RUBCNL: variants seen among roughly 807,000 people sequenced by gnomAD.
RUBCNL encodes the protein rubicon like autophagy enhancer.
In RUBCNL, 62 loss-of-function variants were observed where a neutral mutation model predicts 69.5. That is an observed-to-expected ratio of 0.89 (90% CI 0.73 to 1.10). The LOEUF (loss-of-function observed/expected upper bound fraction) is 1.10. RUBCNL is among the 50% of genes least tolerant of loss of function. The pLI is 0.00. For synonymous variants in RUBCNL, 291 were observed against 303.6 expected (o/e 0.96, Z 0.43); for missense variants, 768 against 798.1 (o/e 0.96, Z 0.45).
chr13:46,359,674 T>C (rs779894155), intron 8 of RUBCNL, 43 bp from the exon 9 acceptor site: 5 of 1,453,800 alleles, frequency 3.4e-6, no homozygotes, highest in Non-Finnish European at 9.2e-7. Context: ...TTAAGCATAT[T>C]TCAAAGAATT....
At position 46,378,024 on chromosome 13, in the gene RUBCNL, T is replaced by C; in HGVS notation, c.-238-19A>G. ...ATTTTATCTGTAAGGCAAAAAACAA[T>C]TTGCCAGATGCTATGATACCACTGC... On this transcript the variant is annotated intron_variant, in intron 1 of 14. Transcript: ENST00000429979. 1 of 1,375,586 alleles carries C rather than the reference T, an allele frequency of 7.3e-7. No individual in the cohort carries two copies. The highest frequency in any genetic ancestry group is 1.0e-6 in the Non-Finnish European group (1 of 1,004,956). The allele number at this position is 1,375,586 out of a possible 1,614,324, so 85.2% of individuals were successfully genotyped here. A position where few individuals can be genotyped will look rare whatever the true frequency, so the allele number is the denominator to read the frequency against.
intron 9 of RUBCNL, among the ~76,000 whole-genome samples, chr13:46,358,217 G>T (rs1007432957): frequency 6.6e-6 from 1 of 152,168 alleles, no homozygotes; most frequent in African/African-American, 2.4e-5. Context: ...ACAAAAGAAA[G>T]ATCTAGTCTA....
chr13:46,377,062 C>T (rs909544412), intron 2 of RUBCNL, among the ~76,000 whole-genome samples: 1 of 152,102 alleles, frequency 6.6e-6, no homozygotes. Flanking sequence ...TTACTAGTTC[C>T]ACTCTTAGTC....
chr13:46,372,451 G>C lies in RUBCNL; in HGVS notation c.25C>G (p.Gln9Glu). The change falls in exon 3 of 15, where the codon CAG becomes GAG. Residue 9 changes from glutamine to glutamate, a missense_variant. Gln to Glu is a conservative substitution (Grantham distance 29, BLOSUM62 2). Coordinates refer to ENST00000429979, the MANE Select transcript of RUBCNL (RefSeq NM_025113.5). ...TCCCAGGGCTCCACAGGAGAATCCT[G>C]CCTGACTGTAGATTGTGACACCATC... is the stretch of plus-strand genomic sequence containing the variant. MVSQSTVR[Q>E]DSPVEPWEGI... is the part of the protein sequence containing the mutation. 1 of 1,608,668 alleles carries C rather than the reference G, an allele frequency of 6.2e-7. No homozygotes were observed. Among genetic ancestry groups the C allele is most frequent in the Non-Finnish European group, 8.5e-7 (1 of 1,177,468 alleles).
chr13:46,371,414 T>A (rs1182978829), intron 3 of RUBCNL, among the ~76,000 whole-genome samples: 1 of 152,244 alleles, frequency 6.6e-6, no homozygotes, highest in African/African-American at 2.4e-5. Context: ...GTACATTACT[T>A]CATAGCAGTG....
At chr13:46,368,275 T>A in intron 4 of RUBCNL, 26 bp from the exon 5 acceptor site, 1 of 1,593,006 alleles carries the variant, frequency 6.3e-7, no homozygotes, top group Non-Finnish European at 8.6e-7. Context: ...TCAATTAAAA[T>A]ACAAGCATAA....
At chr13:46,347,559 C>T (rs993554052) in intron 12 of RUBCNL, among the ~76,000 whole-genome samples, 1 of 152,192 alleles carries the variant, frequency 6.6e-6, no homozygotes, top group African/African-American at 2.4e-5. Flanking sequence ...TTTTAAAAGG[C>T]CCCTGGTATA....
intron 3 of RUBCNL, among the ~76,000 whole-genome samples, chr13:46,371,114 G>T (rs2048866097): frequency 6.6e-6 from 1 of 152,156 alleles, no homozygotes; most frequent in African/African-American, 2.4e-5. Context: ...TAGGTAAGGG[G>T]GAAGATGAGC....
At chr13:46,369,285 C>A (rs191673656) in intron 3 of RUBCNL, among the ~76,000 whole-genome samples, 1 of 152,294 alleles carries the variant, frequency 6.6e-6, no homozygotes, top group Non-Finnish European at 1.5e-5. Context: ...CGTGATCACA[C>A]TTTAGTGCGG....
Position 46,350,375 on chromosome 13 carries a change from G to A in RUBCNL, c.1331-24C>T, listed in dbSNP as rs368013479. 48 of 1,493,412 alleles carry A rather than the reference G, an allele frequency of 3.2e-5. 1 individual carries two copies. The African/African-American group carries it at 5.9e-4, about 19-fold the overall frequency. 92.5% of individuals were successfully genotyped at this position (1,493,412 alleles called of 1,614,324 possible). On this transcript the variant is annotated intron_variant, in intron 10 of 14. Transcript: ENST00000429979. ...CTCTGCCAAGCATACCGGAGGGTGA[G>A]TGCCACACCTGGTGCTGAAAACCTA...
intron 5 of RUBCNL, among the ~76,000 whole-genome samples, chr13:46,366,564 G>C (rs1464856196): frequency 2.6e-5 from 4 of 152,204 alleles, no homozygotes. Flanking sequence ...TTTAATTTGA[G>C]CCAGTTAGTG....
chr13:46,366,667 C>T (rs1008549818), intron 5 of RUBCNL, among the ~76,000 whole-genome samples: 8 of 152,088 alleles, frequency 5.3e-5, no homozygotes, highest in African/African-American at 1.2e-4. Flanking sequence ...ATTGAGTATT[C>T]CTGATTAACG....
intron 5 of RUBCNL, among the ~76,000 whole-genome samples, chr13:46,366,503 C>T (rs1263572197): frequency 1.3e-5 from 2 of 152,202 alleles, no homozygotes. Flanking sequence ...GATATATTTC[C>T]CACCACTGGG....
rs541591173 is a variant in RUBCNL at position 46,350,106 on chromosome 13, G to A, written c.1569+7C>T. On this transcript the variant is annotated splice_region_variant and intron_variant, in intron 11 of 14. Coordinates refer to ENST00000429979, the MANE Select transcript of RUBCNL (RefSeq NM_025113.5). ...ATGAGAGGGATGGGGTTGGGGCTGCGGCTCACCTTCACTCTGTCCAGCTCC... is the reference window on the plus strand; with the variant it reads ...ATGAGAGGGATGGGGTTGGGGCTGCAGCTCACCTTCACTCTGTCCAGCTCC... The A allele has an allele frequency of 4.4e-5, 68 of 1,542,414 alleles. 1 individual carries two copies. The South Asian group carries it at 6.8e-4, about 15-fold the overall frequency.
intron 1 of RUBCNL, among the ~76,000 whole-genome samples, chr13:46,378,962 T>C (rs2049059577): frequency 6.6e-6 from 1 of 152,192 alleles, no homozygotes; most frequent in Non-Finnish European, 1.5e-5. Flanking sequence ...AAACTGGTAA[T>C]TGCCCCTCCC....
chr13:46,382,122 G>A (rs1381466993), intron 1 of RUBCNL, among the ~76,000 whole-genome samples: 2 of 152,094 alleles, frequency 1.3e-5, no homozygotes, highest in East Asian at 1.9e-4. Flanking sequence ...CTTTAAATCA[G>A]TGAAGCATTT....
At chr13:46,380,202 T>C (rs533149634) in intron 1 of RUBCNL, among the ~76,000 whole-genome samples, 1 of 152,088 alleles carries the variant, frequency 6.6e-6, no homozygotes, top group African/African-American at 2.4e-5. Context: ...AATGGGTAAG[T>C]AAGAAGGGGA....
chr13:46,343,188 C>A lies in RUBCNL; in HGVS notation c.*197G>T. The A allele has an allele frequency of 2.0e-5, 17 of 855,926 alleles. No individual in the cohort carries two copies. The highest frequency in any genetic ancestry group is 4.8e-5 in the South Asian group (2 of 41,730). The allele number at this position is 855,926 out of a possible 1,614,324, so 53.0% of individuals were successfully genotyped here. ...AAAACAGAACATTTGTAAACAAAAC[C>A]ACAACTATCAGCCCTGTGCTTAAAC... On this transcript the variant is annotated 3_prime_UTR_variant, in exon 15 of 15. Transcript: ENST00000429979.
intron 9 of RUBCNL, among the ~76,000 whole-genome samples, chr13:46,357,471 C>T (rs2048515230): frequency 6.6e-6 from 1 of 151,696 alleles, no homozygotes; most frequent in South Asian, 2.1e-4. Context: ...ACATGTTATA[C>T]AAGGAAGACA....
Sources: gnomAD v4.1 joint callset for allele counts (sites outside exome capture counted in the v4.1 genomes callset) on GRCh38, gnomAD v4.1.1 for gene constraint, MANE v1.5 for transcripts, NCBI Gene and HGNC (gene_info 2026-07-23, HGNC 2026-07-21) for gene names.